Variants in ARB2A observed in about 807,000 individuals in gnomAD.
The protein encoded by ARB2A is ARB2 cotranscriptional regulator A.
chr5:93,659,254 T>C, the ARB2A span, among the ~76,000 whole-genome samples: 3 of 152,102 alleles, frequency 2.0e-5, no homozygotes, highest in Non-Finnish European at 4.4e-5. Context: ...TCATAATCTT[T>C]TGAAACTCTG....
the ARB2A span, among the ~76,000 whole-genome samples, chr5:93,687,522 A>G: frequency 6.6e-6 from 1 of 152,354 alleles, no homozygotes; most frequent in East Asian, 1.9e-4. Flanking sequence ...ATTAAATGCA[A>G]TATGGTTGCT....
chr5:94,023,479 A>T, the ARB2A span, among the ~76,000 whole-genome samples: 1 of 152,236 alleles, frequency 6.6e-6, no homozygotes, highest in Non-Finnish European at 1.5e-5. Context: ...AATATTGTGT[A>T]TTCAAATAAT....
the ARB2A span, among the ~76,000 whole-genome samples, chr5:93,774,907 T>A: frequency 6.6e-6 from 1 of 152,208 alleles, no homozygotes. Flanking sequence ...TTGTATTTCA[T>A]CTAGGAGCAA....
chr5:93,982,857 C>T, the ARB2A span, among the ~76,000 whole-genome samples: 4 of 152,150 alleles, frequency 2.6e-5, no homozygotes, highest in Non-Finnish European at 4.4e-5. Context: ...GAATTCAAGA[C>T]CAGCCTAGCC....
chr5:93,856,767 C>A, the ARB2A span, among the ~76,000 whole-genome samples: 1 of 151,970 alleles, frequency 6.6e-6, no homozygotes, highest in Non-Finnish European at 1.5e-5. Flanking sequence ...CATCTGAAGC[C>A]TTCTTCTCTC....
chr5:93,673,001 A>C, the ARB2A span, among the ~76,000 whole-genome samples: 1 of 152,340 alleles, frequency 6.6e-6, no homozygotes, highest in East Asian at 1.9e-4. Context: ...CACTAATGCC[A>C]ACACACATGA....
At chr5:93,749,519 G>A in the ARB2A span, among the ~76,000 whole-genome samples, 1 of 152,068 alleles carries the variant, frequency 6.6e-6, no homozygotes, top group Non-Finnish European at 1.5e-5. Context: ...TATATGCCAG[G>A]TACTGTTTTA....
chr5:93,859,566 A>C, the ARB2A span, among the ~76,000 whole-genome samples: 6 of 152,220 alleles, frequency 3.9e-5, no homozygotes, highest in Non-Finnish European at 2.9e-5. Context: ...AGACAAGCCA[A>C]AGAGTGGAAG....
At chr5:93,884,756 A>C in the ARB2A span, among the ~76,000 whole-genome samples, 1 of 151,614 alleles carries the variant, frequency 6.6e-6, no homozygotes, top group Admixed American at 6.6e-5. Flanking sequence ...TTCTGTAAAA[A>C]AACTAACATT....
the ARB2A span, among the ~76,000 whole-genome samples, chr5:93,928,034 C>T: frequency 1.3e-5 from 2 of 151,586 alleles, no homozygotes. Flanking sequence ...AACTTTTAGT[C>T]CAGCAGGAAC....
chr5:93,858,540 T>C, the ARB2A span, among the ~76,000 whole-genome samples: 1 of 152,184 alleles, frequency 6.6e-6, no homozygotes, highest in African/African-American at 2.4e-5. Context: ...TATTCCTCCA[T>C]CTCCTTTAGC....
At chr5:93,628,068 T>A in the ARB2A span, among the ~76,000 whole-genome samples, 1 of 143,142 alleles carries the variant, frequency 7.0e-6, no homozygotes, top group Admixed American at 6.9e-5. Context: ...TTTTTTTTTT[T>A]TTTTTTTTTT....
the ARB2A span, among the ~76,000 whole-genome samples, chr5:94,110,387 T>G: frequency 2.0e-5 from 3 of 152,346 alleles, no homozygotes; most frequent in African/African-American, 7.2e-5. Flanking sequence ...GCTCATGGTT[T>G]CATAGATAAT....
At chr5:94,002,707 TTTA>T in the ARB2A span, among the ~76,000 whole-genome samples, 3 of 151,782 alleles carry the variant, frequency 2.0e-5, no homozygotes, top group South Asian at 2.1e-4. Flanking sequence ...TTTCTTTTTT[TTTA>T]AAAAAAAAGT....
chr5:93,990,293 A>G, the ARB2A span, among the ~76,000 whole-genome samples: 54 of 152,142 alleles, frequency 3.5e-4, no homozygotes, highest in Non-Finnish European at 1.5e-4. Context: ...ATCAGCAACT[A>G]CATTATAGAT....
the ARB2A span, among the ~76,000 whole-genome samples, chr5:93,989,535 G>A: frequency 6.6e-6 from 1 of 151,978 alleles, no homozygotes; most frequent in Non-Finnish European, 1.5e-5. Flanking sequence ...AAGAGCCCCT[G>A]GCCTAAACAG....
At chr5:93,955,269 T>G in the ARB2A span, among the ~76,000 whole-genome samples, 1 of 152,210 alleles carries the variant, frequency 6.6e-6, no homozygotes, top group African/African-American at 2.4e-5. Context: ...CTCTGTCTTT[T>G]GAACACTCAT....
the ARB2A span, among the ~76,000 whole-genome samples, chr5:93,982,161 G>A: frequency 3.9e-5 from 6 of 152,178 alleles, no homozygotes; most frequent in Admixed American, 3.3e-4. Context: ...TGCAATGAGA[G>A]GAAGGCAGAA....
At chr5:94,099,839 G>T in the ARB2A span, among the ~76,000 whole-genome samples, 3 of 152,070 alleles carry the variant, frequency 2.0e-5, no homozygotes, top group African/African-American at 7.2e-5. Context: ...ACATTACATG[G>T]AATGGGCAAA....
Sources: allele counts gnomAD v4.1 joint callset (sites outside exome capture counted in the v4.1 genomes callset), GRCh38; gene constraint gnomAD v4.1.1; transcripts MANE v1.5; gene names NCBI Gene and HGNC (gene_info 2026-07-23, HGNC 2026-07-21).